Variants in FAAH2 observed in about 807,000 individuals in gnomAD.
FAAH2 encodes the protein fatty-acid amide hydrolase 2.
Under a neutral mutation model 36.9 loss-of-function variants are expected in FAAH2, and 60 were observed. That is an observed-to-expected ratio of 1.63 (90% CI 1.32 to 2.02). The LOEUF is 2.02. Ranked by LOEUF, FAAH2 falls within the 30% of genes most tolerant of loss-of-function variation. The pLI, the probability that FAAH2 is intolerant of heterozygous loss-of-function variation, is 0.00. For synonymous variants in FAAH2, 214 were observed against 143.8 expected (o/e 1.49, Z -3.49); for missense variants, 689 against 397.5 (o/e 1.73, Z -6.23).
intron 4 of FAAH2, among the ~76,000 whole-genome samples, chrX:57,340,961 GA>G (rs1346882227): frequency 2.2e-3 from 225 of 102,936 alleles, no homozygotes; most frequent in South Asian, 5.1e-3. Flanking sequence ...AAAGTTGATG[GA>G]AAAAAAAAAA....
the FAAH2 span, among the ~76,000 whole-genome samples, chrX:57,154,354 C>T: frequency 9.4e-6 from 1 of 106,139 alleles, no homozygotes; most frequent in African/African-American, 3.5e-5. Flanking sequence ...AACCTTTGCT[C>T]CCCAGTTCAA....
chrX:57,142,359 G>T, the FAAH2 span, among the ~76,000 whole-genome samples: 1 of 111,795 alleles, frequency 8.9e-6, no homozygotes, highest in Non-Finnish European at 1.9e-5. Context: ...TTTCTTCCTT[G>T]ACCCATTGGT....
At chrX:57,236,270 T>G in the FAAH2 span, among the ~76,000 whole-genome samples, 1 of 112,514 alleles carries the variant, frequency 8.9e-6, no homozygotes, top group East Asian at 2.8e-4. Flanking sequence ...TTGATTCCTT[T>G]TATTGGCAAT....
intron 5 of FAAH2, among the ~76,000 whole-genome samples, chrX:57,366,115 G>A (rs2054406614): frequency 9.5e-6 from 1 of 105,397 alleles, no homozygotes. Flanking sequence ...TTCTAATGTT[G>A]CCAGAGTTCT....
the FAAH2 span, among the ~76,000 whole-genome samples, chrX:57,148,078 G>A: frequency 9.0e-6 from 1 of 111,339 alleles, no homozygotes; most frequent in Non-Finnish European, 1.9e-5. Context: ...TTGTAGATAT[G>A]CGGCATTATT....
chrX:57,243,307 G>T, the FAAH2 span, among the ~76,000 whole-genome samples: 1 of 111,985 alleles, frequency 8.9e-6, no homozygotes, highest in South Asian at 3.7e-4. Context: ...TGGGAAAGGG[G>T]TGGCTGTGGG....
the FAAH2 span, among the ~76,000 whole-genome samples, chrX:57,255,295 AC>A: frequency 8.9e-6 from 1 of 111,818 alleles, no homozygotes; most frequent in Non-Finnish European, 1.9e-5. Context: ...TAGCCTACCA[AC>A]CAAAAAAAGT....
chrX:57,174,664 T>C, the FAAH2 span, among the ~76,000 whole-genome samples: 1 of 111,458 alleles, frequency 9.0e-6, no homozygotes, highest in African/African-American at 3.3e-5. Context: ...TTGATGTGTT[T>C]TGTCAGGTTG....
the FAAH2 span, among the ~76,000 whole-genome samples, chrX:57,260,318 C>A: frequency 5.4e-5 from 6 of 111,455 alleles, no homozygotes; most frequent in African/African-American, 1.9e-4. Context: ...GGTACCAAGA[C>A]AATTTAATTT....
chrX:57,388,930 T>C (rs891150283), intron 7 of FAAH2, among the ~76,000 whole-genome samples: 3 of 110,301 alleles, frequency 2.7e-5, no homozygotes, highest in African/African-American at 6.6e-5. Flanking sequence ...TTTTCGTGGC[T>C]TGGTAACTCT....
intron 10 of FAAH2, among the ~76,000 whole-genome samples, chrX:57,480,132 C>G (rs939324380): frequency 4.5e-5 from 5 of 111,005 alleles, no homozygotes; most frequent in Admixed American, 3.9e-4. Flanking sequence ...AGCTTACCAA[C>G]CAAAAAGAGT....
chrX:57,452,266 T>A, intron 10 of FAAH2: 5 of 754,832 alleles, frequency 6.6e-6, no homozygotes, highest in Non-Finnish European at 7.8e-6. Context: ...TTTTGTGACC[T>A]CTTCAGCATC....
intron 1 of FAAH2, among the ~76,000 whole-genome samples, chrX:57,289,015 T>G (rs896493183): frequency 6.2e-5 from 7 of 112,120 alleles, no homozygotes; most frequent in Non-Finnish European, 1.1e-4. Context: ...GCAAAACAAC[T>G]AAATTTCTTA....
the FAAH2 span, among the ~76,000 whole-genome samples, chrX:57,264,571 T>C: frequency 8.9e-6 from 1 of 112,710 alleles, no homozygotes; most frequent in Admixed American, 9.4e-5. Flanking sequence ...GGAATGCTTA[T>C]ACACTGGTGG....
chrX:57,431,399 A>G (rs1481880246), intron 7 of FAAH2, among the ~76,000 whole-genome samples: 1 of 111,513 alleles, frequency 9.0e-6, no homozygotes, highest in Non-Finnish European at 1.9e-5. Flanking sequence ...CCAGCAATCC[A>G]TTTGTGCAAT....
the FAAH2 span, among the ~76,000 whole-genome samples, chrX:57,257,643 TA>T: frequency 9.1e-6 from 1 of 110,323 alleles, no homozygotes; most frequent in African/African-American, 3.3e-5. Context: ...TATACCTATG[TA>T]AAAAAACTGC....
At chrX:57,132,308 G>T in the FAAH2 span, among the ~76,000 whole-genome samples, 1 of 111,884 alleles carries the variant, frequency 8.9e-6, no homozygotes, top group African/African-American at 3.3e-5. Context: ...TATCCAGAGC[G>T]GGGAGGCCGA....
chrX:57,281,522 TA>T, the FAAH2 span, among the ~76,000 whole-genome samples: 1 of 112,547 alleles, frequency 8.9e-6, no homozygotes, highest in Admixed American at 9.4e-5. Flanking sequence ...CATCCTCAGA[TA>T]TAAGTTCATG....
chrX:57,251,820 C>A, the FAAH2 span, among the ~76,000 whole-genome samples: 5 of 111,791 alleles, frequency 4.5e-5, no homozygotes, highest in African/African-American at 1.6e-4. Context: ...AACTGAGTTA[C>A]CTGGTTCATC....
Sources: allele counts gnomAD v4.1 joint callset (sites outside exome capture counted in the v4.1 genomes callset), GRCh38; gene constraint gnomAD v4.1.1; transcripts MANE v1.5; gene names NCBI Gene and HGNC (gene_info 2026-07-23, HGNC 2026-07-21).